WARS2: variants seen among roughly 807,000 people sequenced by gnomAD.
WARS2 encodes the protein tryptophan--tRNA ligase, mitochondrial.
In WARS2, 28 loss-of-function variants were observed where a neutral mutation model predicts 36.5. The ratio of observed to expected loss-of-function variants is 0.77; its 90% confidence interval spans 0.57 to 1.05. The LOEUF is 1.05. Among genes scored for constraint, WARS2 ranks in the 50% least tolerant of loss-of-function variants. The probability of loss-of-function intolerance (pLI) is 0.00; values close to 1 mark genes in which losing one functional copy is unlikely to be tolerated. For synonymous variants in WARS2, 174 were observed against 178.4 expected (o/e 0.98, Z 0.20); for missense variants, 435 against 456.8 (o/e 0.95, Z 0.44).
intron 2 of WARS2, among the ~76,000 whole-genome samples, chr1:119,051,264 A>G (rs1248820919): frequency 1.3e-5 from 2 of 152,148 alleles, no homozygotes; most frequent in African/African-American, 4.8e-5. Context: ...GCTCCCACTT[A>G]TAAGTGAGAA....
chr1:119,084,359 C>T (rs587596936), intron 1 of WARS2, among the ~76,000 whole-genome samples: 87 of 152,056 alleles, frequency 5.7e-4, no homozygotes, highest in Middle Eastern at 3.4e-3. Flanking sequence ...TAGACAGAGG[C>T]GATGGTTACA....
At chr1:119,076,198 T>C in intron 2 of WARS2, 152 bp downstream of exon 2, 1 of 935,806 alleles carries the variant, frequency 1.1e-6, no homozygotes, top group South Asian at 1.8e-5. Context: ...TAAATACAAG[T>C]AAAACATTAA....
chr1:119,042,217 C>T (rs1218190339), intron 4 of WARS2, 47 bp downstream of exon 4: 21 of 1,581,678 alleles, frequency 1.3e-5, no homozygotes, highest in Non-Finnish European at 1.7e-5. Context: ...AAAACACTCT[C>T]TTGTCACCAT....
At chr1:119,035,662 C>G (rs1315870246) in intron 4 of WARS2, among the ~76,000 whole-genome samples, 3 of 152,080 alleles carry the variant, frequency 2.0e-5, no homozygotes, top group Admixed American at 1.3e-4. Context: ...GCTGACATAC[C>G]ACAAATAGTA....
At position 119,066,273 on chromosome 1, in the gene WARS2, C is replaced by G. The variant is rs370999007; in HGVS notation, c.348+10077G>C. On this transcript the variant is annotated intron_variant, in intron 2 of 5. Transcript: ENST00000235521. ...TGGGCGGATCACAAGGTCAGGAGAT[C>G]GAGAACCATCCTGGCTAATACGGTG... is the stretch of plus-strand genomic sequence containing the variant. 8.6e-5 allele frequency among the ~76,000 whole-genome samples: 13 copies of G among 151,898 alleles called. 1 individual carries two copies. Among genetic ancestry groups the G allele is most frequent in the East Asian group, 3.9e-4 (2 of 5,180 alleles).
At chr1:119,089,850 T>C (rs186742897) in intron 1 of WARS2, among the ~76,000 whole-genome samples, 32 of 152,276 alleles carry the variant, frequency 2.1e-4, no homozygotes, top group Admixed American at 7.8e-4. Flanking sequence ...TTGGAAGACA[T>C]GATTCTCAGC....
chr1:119,128,521 A>C (rs1168248372), intron 1 of WARS2, among the ~76,000 whole-genome samples: 1 of 151,934 alleles, frequency 6.6e-6, no homozygotes, highest in Non-Finnish European at 1.5e-5. Context: ...TCTTTTCCCC[A>C]GGGTTTGAAC....
At chr1:119,099,095 T>A (rs886557523) in intron 1 of WARS2, among the ~76,000 whole-genome samples, 1 of 152,174 alleles carries the variant, frequency 6.6e-6, no homozygotes, top group Non-Finnish European at 1.5e-5. Flanking sequence ...ATAGGGAAAT[T>A]CAATATAAAT....
At chr1:119,105,264 T>C (rs1478507981) in intron 1 of WARS2, among the ~76,000 whole-genome samples, 1 of 152,198 alleles carries the variant, frequency 6.6e-6, no homozygotes, top group Admixed American at 6.5e-5. Context: ...TTTTCTGTGA[T>C]GGGACTAAAT....
chr1:119,125,008 T>C (rs760530979), intron 1 of WARS2, among the ~76,000 whole-genome samples: 9 of 152,252 alleles, frequency 5.9e-5, no homozygotes, highest in Non-Finnish European at 1.2e-4. Flanking sequence ...TTCTCATCTG[T>C]ACTGTCTTAT....
At chr1:119,072,411 T>A (rs898295965) in intron 2 of WARS2, among the ~76,000 whole-genome samples, 1 of 152,088 alleles carries the variant, frequency 6.6e-6, no homozygotes, top group African/African-American at 2.4e-5. Flanking sequence ...AGAAAGCAAC[T>A]AAAAAACTAA....
chr1:119,095,901 A>G (rs1314262969), intron 1 of WARS2, among the ~76,000 whole-genome samples: 1 of 152,194 alleles, frequency 6.6e-6, no homozygotes, highest in Non-Finnish European at 1.5e-5. Flanking sequence ...TCTCAAACTC[A>G]CTGGTAAACC....
intron 1 of WARS2, among the ~76,000 whole-genome samples, chr1:119,122,600 T>C (rs1655397698): frequency 6.6e-6 from 1 of 152,218 alleles, no homozygotes; most frequent in African/African-American, 2.4e-5. Context: ...CACACATGTT[T>C]ATAGCAGCAC....
At chr1:119,120,554 A>C (rs1225631360) in intron 1 of WARS2, among the ~76,000 whole-genome samples, 2 of 152,024 alleles carry the variant, frequency 1.3e-5, no homozygotes, top group Non-Finnish European at 2.9e-5. Flanking sequence ...TTCTATGAAA[A>C]CATCATTACC....
chr1:119,075,051 G>A (rs1464465302), intron 2 of WARS2, among the ~76,000 whole-genome samples: 1 of 152,068 alleles, frequency 6.6e-6, no homozygotes, highest in African/African-American at 2.4e-5. Flanking sequence ...CACTATTTGG[G>A]TGACAGGTAC....
intron 1 of WARS2, among the ~76,000 whole-genome samples, chr1:119,118,621 C>A (rs927920040): frequency 1.1e-4 from 17 of 152,216 alleles, no homozygotes; most frequent in African/African-American, 4.1e-4. Context: ...CACCTAGGCA[C>A]ATAGTCATCA....
chr1:119,135,771 G>C (rs1199292978), intron 1 of WARS2, among the ~76,000 whole-genome samples: 1 of 150,370 alleles, frequency 6.7e-6, no homozygotes, highest in Non-Finnish European at 1.5e-5. Flanking sequence ...GAGAGAGAGA[G>C]AGAGATGGGT....
chr1:119,129,967 T>G (rs1298568436), intron 1 of WARS2, among the ~76,000 whole-genome samples: 1 of 152,134 alleles, frequency 6.6e-6, no homozygotes, highest in East Asian at 1.9e-4. Context: ...TTTATCAAGG[T>G]GCAAAGAAAA....
intron 2 of WARS2, chr1:119,047,454 T>C (rs1170822464): frequency 6.6e-6 from 1 of 152,218 alleles, no homozygotes; most frequent in African/African-American, 2.4e-5. Flanking sequence ...GTATTTTCCT[T>C]GGAGTAGCTT....
Sources: allele counts gnomAD v4.1 joint callset (sites outside exome capture counted in the v4.1 genomes callset), GRCh38; gene constraint gnomAD v4.1.1; transcripts MANE v1.5; gene names NCBI Gene and HGNC (gene_info 2026-07-23, HGNC 2026-07-21).